The following EPS15L1 variants were observed in gnomAD, a reference collection of about 807,000 sequenced individuals.
EPS15L1 encodes the protein epidermal growth factor receptor substrate 15-like 1.
In EPS15L1, 43 loss-of-function variants were observed where a neutral mutation model predicts 117.1. The ratio of observed to expected loss-of-function variants is 0.37; its 90% CI spans 0.29 to 0.47. EPS15L1 has a LOEUF of 0.47. Ranked by LOEUF, EPS15L1 falls within the 20% of genes least tolerant of loss-of-function variation. The probability of loss-of-function intolerance (pLI) is 0.99; values close to 1 mark genes in which losing one functional copy is unlikely to be tolerated. For synonymous variants in EPS15L1, 459 were observed against 470.5 expected (o/e 0.98, Z 0.32); for missense variants, 981 against 1,164.0 (o/e 0.84, Z 2.29).
At chr19:16,402,637 C>G in intron 15 of EPS15L1, 152 bp from the exon 16 acceptor site, 4 of 645,558 alleles carry the variant, frequency 6.2e-6, no homozygotes, top group Non-Finnish European at 7.2e-6. Flanking sequence ...GAGCTCCTGA[C>G]CTCAGGAGCT....
At chr19:16,438,294 A>G (rs2145055572) in intron 4 of EPS15L1, among the ~76,000 whole-genome samples, 1 of 152,262 alleles carries the variant, frequency 6.6e-6, no homozygotes, top group East Asian at 1.9e-4. Context: ...TGGAGGCTGC[A>G]GTGAGCCAAG....
chr19:16,450,956 T>C (rs1349703015), intron 1 of EPS15L1, among the ~76,000 whole-genome samples: 1 of 151,300 alleles, frequency 6.6e-6, no homozygotes, highest in Non-Finnish European at 1.5e-5. Flanking sequence ...TGGTACAGGC[T>C]CTTTTTTTTT....
intron 7 of EPS15L1, among the ~76,000 whole-genome samples, chr19:16,432,606 A>G (rs970201650): frequency 6.6e-6 from 1 of 150,818 alleles, no homozygotes; most frequent in Non-Finnish European, 1.5e-5. Context: ...ATACAAATAC[A>G]AATACAAATA....
intron 9 of EPS15L1, among the ~76,000 whole-genome samples, chr19:16,424,671 T>A (rs1236344675): frequency 6.6e-6 from 1 of 152,036 alleles, no homozygotes; most frequent in Non-Finnish European, 1.5e-5. Context: ...GAATACTTTT[T>A]TTTTTTGAGA....
In EPS15L1 at chr19:16,421,311, G is replaced by T. The variant is rs373919380; in HGVS notation, c.950+8C>A. The stretch of plus-strand genomic sequence containing the variant: ...CCACAGCCACAACTGCCACCTGTCC[G>T]GCCTTACCATATGTGTGCTAGAAGG... On this transcript the variant is annotated splice_region_variant and intron_variant, in intron 10 of 23. Transcript: ENST00000455140. The T allele has an allele frequency of 7.0e-5, 112 of 1,596,882 alleles. No homozygotes were observed. Among genetic ancestry groups the T allele is most frequent in the Non-Finnish European group, 8.8e-5 (103 of 1,167,072 alleles).
At chr19:16,434,564 A>G in intron 6 of EPS15L1, 74 bp from the exon 7 acceptor site, 1 of 1,521,008 alleles carries the variant, frequency 6.6e-7, no homozygotes, top group South Asian at 1.3e-5. Context: ...CTCTGACCGA[A>G]AGCCAAGTGA....
At position 16,441,879 on chromosome 19, in the gene EPS15L1, C is replaced by T; in HGVS notation, c.165+13G>A. On this transcript the variant is annotated intron_variant, in intron 3 of 23. Coordinates refer to ENST00000455140, the MANE Select transcript of EPS15L1 (RefSeq NM_001258374.3). ...CAGCCACAGAAGAGAAATCACTATT[C>T]ATCTTCACATACCTTCCCAAGGATA... 1 of 1,597,842 alleles carries T rather than the reference C, an allele frequency of 6.3e-7. No homozygotes were observed. Among genetic ancestry groups the T allele is most frequent in the Non-Finnish European group, 8.6e-7 (1 of 1,166,842 alleles).
chr19:16,404,575 G>A lies in EPS15L1; in HGVS notation c.1428+13C>T, dbSNP rs773000630. Reference sequence around the variant, plus strand: ...GTGCATAGGGCGCTGCCCCGGAGGTGGCCGGGACCCACCATCTGAGTCTCA... The same window carrying A: ...GTGCATAGGGCGCTGCCCCGGAGGTAGCCGGGACCCACCATCTGAGTCTCA... On this transcript the variant is annotated intron_variant, in intron 14 of 23. Coordinates refer to ENST00000455140, the MANE Select transcript of EPS15L1 (RefSeq NM_001258374.3). The surrounding 1 kb of genome is among the most constrained non-coding windows in gnomAD (Gnocchi z 4.2). 6.2e-7 allele frequency: 1 copy of A among 1,613,906 alleles called. No homozygotes were observed. The highest frequency in any genetic ancestry group is 1.1e-5 in the South Asian group (1 of 91,082).
chr19:16,375,317 C>T (rs539923795), intron 22 of EPS15L1, among the ~76,000 whole-genome samples: 6 of 152,052 alleles, frequency 3.9e-5, no homozygotes, highest in Admixed American at 3.9e-4. Flanking sequence ...TGTCTGCAGG[C>T]GTGGAGGATG....
Position 16,383,837 on chromosome 19 carries a change from G to C in EPS15L1, c.2247+1292C>G, listed in dbSNP as rs904027149. The C allele has an allele frequency of 2.0e-5, 3 of 152,258 alleles. No individual in the cohort carries two copies. The East Asian group carries it at 5.8e-4, about 29-fold the overall frequency. 9.4% of individuals were successfully genotyped at this position (152,258 alleles called of 1,614,324 possible). On this transcript the variant is annotated intron_variant, in intron 21 of 23. Transcript: ENST00000455140. This position sits in a 1 kb window ranked among gnomAD's most constrained non-coding sequence, Gnocchi z 5.2. ...TGCTCCACCAGCTGAGTGAACACGG[G>C]GCAGCCAAGGGAGACTGCCCAGTCA... is the stretch of plus-strand genomic sequence containing the variant.
At chr19:16,419,547 G>A (rs937885758) in intron 10 of EPS15L1, among the ~76,000 whole-genome samples, 11 of 152,152 alleles carry the variant, frequency 7.2e-5, no homozygotes, top group African/African-American at 2.4e-4. Context: ...TATGAAAAAT[G>A]TCTTCCTTCA....
chr19:16,368,996 A>C (rs898073592), intron 22 of EPS15L1, among the ~76,000 whole-genome samples: 1 of 152,220 alleles, frequency 6.6e-6, no homozygotes, highest in Non-Finnish European at 1.5e-5. Flanking sequence ...CCAGAAAAAA[A>C]GCTTAGCTGC....
chr19:16,421,727 G>A (rs542171842), intron 9 of EPS15L1, among the ~76,000 whole-genome samples: 9 of 152,164 alleles, frequency 5.9e-5, no homozygotes, highest in South Asian at 2.1e-4. Flanking sequence ...CCCATCACCC[G>A]CTCTCCTTGT....
At chr19:16,367,970 T>TGA (rs141557327) in intron 22 of EPS15L1, among the ~76,000 whole-genome samples, 26,824 of 150,366 alleles carry the variant, frequency 0.18, 2,459 homozygotes, top group African/African-American at 0.23. Flanking sequence ...AACATGAGAG[T>TGA]GAGAGAGAGA....
At chr19:16,428,999 T>G (rs2092904664) in intron 7 of EPS15L1, among the ~76,000 whole-genome samples, 1 of 152,182 alleles carries the variant, frequency 6.6e-6, no homozygotes, top group Non-Finnish European at 1.5e-5. Context: ...GATTATAAGA[T>G]TATAAGTTTA....
chr19:16,412,444 GA>G, intron 13 of EPS15L1, among the ~76,000 whole-genome samples: 1 of 151,794 alleles, frequency 6.6e-6, no homozygotes, highest in Admixed American at 6.6e-5. Context: ...AAATTGCAGT[GA>G]GCTGAGATCG....
At chr19:16,409,060 C>A (rs2363120) in intron 13 of EPS15L1, among the ~76,000 whole-genome samples, 61,903 of 150,994 alleles carry the variant, frequency 0.41, 14,638 homozygotes, top group African/African-American at 0.66. Context: ...TGTCTCTTAA[C>A]AAAAAAAAAT....
chr19:16,369,543 C>T (rs1025183842), intron 22 of EPS15L1, among the ~76,000 whole-genome samples: 15 of 152,094 alleles, frequency 9.9e-5, no homozygotes, highest in African/African-American at 3.6e-4. Context: ...GGTGCTGTGC[C>T]TTGGGGTCCT....
chr19:16,397,339 C>G (rs1456711451), intron 16 of EPS15L1, among the ~76,000 whole-genome samples: 1 of 152,184 alleles, frequency 6.6e-6, no homozygotes, highest in Admixed American at 6.5e-5. Context: ...ATCCACCCCC[C>G]TCGGCCTCCC....
Sources: gnomAD v4.1 joint callset for allele counts (sites outside exome capture counted in the v4.1 genomes callset) on GRCh38, gnomAD v4.1.1 for gene constraint, Gnocchi (gnomAD v3.1) non-coding constraint, MANE v1.5 for transcripts, NCBI Gene and HGNC (gene_info 2026-07-23, HGNC 2026-07-21) for gene names.